Variants in LUZP2 observed in about 807,000 individuals in gnomAD.
The protein encoded by LUZP2 is leucine zipper protein 2.
In LUZP2, 52 loss-of-function variants were observed where a neutral mutation model predicts 51.6. The ratio of observed to expected loss-of-function variants is 1.01; its 90% CI spans 0.81 to 1.27. The LOEUF is 1.27. Among genes scored for constraint, LUZP2 ranks in the 50% most tolerant of loss-of-function variants. The pLI is 0.00. For missense variants in LUZP2, 436 were observed against 395.4 expected (o/e 1.10, Z -0.87); for synonymous variants, 154 against 137.3 (o/e 1.12, Z -0.85).
intron 2 of LUZP2, 53 bp from the exon 3 acceptor site, chr11:24,732,065 G>T: frequency 7.3e-7 from 1 of 1,367,450 alleles, no homozygotes; most frequent in Non-Finnish European, 1.0e-6. Context: ...AAGTTAAAGT[G>T]AGTCTCAATT....
chr11:24,770,045 C>T (rs113462666), intron 5 of LUZP2, among the ~76,000 whole-genome samples: 12,189 of 152,170 alleles, frequency 0.08, 1,061 homozygotes, highest in African/African-American at 0.22. Context: ...CTGCCCACCT[C>T]AGGCTCCCAA....
intron 1 of LUZP2, among the ~76,000 whole-genome samples, chr11:24,708,331 T>C (rs1857681734): frequency 1.3e-5 from 2 of 152,190 alleles, no homozygotes; most frequent in African/African-American, 4.8e-5. Flanking sequence ...TGGGCATCTC[T>C]TAGCCCAGTC....
intron 7 of LUZP2, among the ~76,000 whole-genome samples, chr11:24,929,509 C>G (rs1854381532): frequency 1.3e-5 from 2 of 151,950 alleles, no homozygotes; most frequent in Admixed American, 1.3e-4. Flanking sequence ...TATTTAATTT[C>G]CTTGCAATTG....
At chr11:24,989,101 T>TAA (rs67413838) in intron 9 of LUZP2, among the ~76,000 whole-genome samples, 1 of 143,744 alleles carries the variant, frequency 7.0e-6, no homozygotes, top group Non-Finnish European at 1.5e-5. Context: ...CCTGTGCAGT[T>TAA]AAAAAAAAAA....
intron 10 of LUZP2, among the ~76,000 whole-genome samples, chr11:25,066,507 A>G (rs1431762670): frequency 6.6e-6 from 1 of 152,012 alleles, no homozygotes; most frequent in Non-Finnish European, 1.5e-5. Flanking sequence ...ACCTGTGGCA[A>G]TGACATTCGC....
At chr11:24,936,966 A>G (rs371497688) in intron 7 of LUZP2, among the ~76,000 whole-genome samples, 14 of 152,136 alleles carry the variant, frequency 9.2e-5, no homozygotes, top group South Asian at 6.2e-4. Context: ...CCTATATGGT[A>G]TATATATTAT....
intron 7 of LUZP2, among the ~76,000 whole-genome samples, chr11:24,972,150 A>AAC (rs1554948102): frequency 6.8e-6 from 1 of 146,578 alleles, no homozygotes; most frequent in Non-Finnish European, 1.5e-5. Context: ...AAAAAAAAAA[A>AAC]AAAAAAAAAA....
intron 7 of LUZP2, among the ~76,000 whole-genome samples, chr11:24,933,614 C>G (rs955513755): frequency 6.6e-6 from 1 of 152,140 alleles, no homozygotes; most frequent in African/African-American, 2.4e-5. Context: ...GATATTAATT[C>G]TGCAGAATTT....
At chr11:24,811,346 C>A (rs368444926) in intron 5 of LUZP2, among the ~76,000 whole-genome samples, 1 of 152,032 alleles carries the variant, frequency 6.6e-6, no homozygotes, top group Non-Finnish European at 1.5e-5. Context: ...TACACTAATC[C>A]CCCCCTTAAT....
At chr11:24,896,475 C>G (rs1003374133) in intron 5 of LUZP2, among the ~76,000 whole-genome samples, 1 of 152,178 alleles carries the variant, frequency 6.6e-6, no homozygotes, top group Non-Finnish European at 1.5e-5. Context: ...CCAGCACCAC[C>G]GGCCCACCCA....
At chr11:24,506,300 T>C (rs967279731) in intron 1 of LUZP2, among the ~76,000 whole-genome samples, 3 of 152,118 alleles carry the variant, frequency 2.0e-5, no homozygotes, top group African/African-American at 7.2e-5. Context: ...CTTGCGGTCA[T>C]TTATTTCTGG....
chr11:24,862,537 A>G (rs181543796), intron 5 of LUZP2, among the ~76,000 whole-genome samples: 6 of 152,320 alleles, frequency 3.9e-5, no homozygotes, highest in Admixed American at 1.3e-4. Flanking sequence ...ACATAACAAT[A>G]CTAGCCTTAA....
At chr11:24,568,706 T>C (rs1314627039) in intron 1 of LUZP2, among the ~76,000 whole-genome samples, 5 of 152,026 alleles carry the variant, frequency 3.3e-5, no homozygotes. Context: ...TTCTAAGTTA[T>C]TATGCAAATG....
At chr11:24,632,135 C>A (rs988986550) in intron 1 of LUZP2, among the ~76,000 whole-genome samples, 2 of 151,898 alleles carry the variant, frequency 1.3e-5, no homozygotes, top group Non-Finnish European at 2.9e-5. Context: ...TTAATACTTA[C>A]CAACTCACTA....
chr11:24,650,417 C>T (rs934080946), intron 1 of LUZP2, among the ~76,000 whole-genome samples: 7 of 152,028 alleles, frequency 4.6e-5, no homozygotes, highest in African/African-American at 1.7e-4. Context: ...CACACACAGA[C>T]ACACACACAT....
At position 25,080,206 on chromosome 11, in the gene LUZP2, AT is replaced by A. The variant is rs1278630280; in HGVS notation, c.*1554del. 6.6e-6 allele frequency: 1 copy of A among 152,050 alleles called. No homozygotes were observed. Among genetic ancestry groups the A allele is most frequent in the African/African-American group, 2.4e-5 (1 of 41,394 alleles). 9.4% of individuals were successfully genotyped at this position (152,050 alleles called of 1,614,324 possible). On this transcript the variant is annotated 3_prime_UTR_variant, in exon 12 of 12. Coordinates refer to ENST00000336930, the MANE Select transcript of LUZP2 (RefSeq NM_001009909.4). Reference sequence around the variant, plus strand: ...CATGCTTTGAATTTTGAATTTTGTTATTTTTTGGAGGGCTAGTGATACATGG... The same window carrying A: ...CATGCTTTGAATTTTGAATTTTGTTATTTTTGGAGGGCTAGTGATACATGG...
At chr11:24,741,591 A>G (rs922162068) in intron 4 of LUZP2, among the ~76,000 whole-genome samples, 4 of 150,998 alleles carry the variant, frequency 2.6e-5, no homozygotes, top group African/African-American at 9.7e-5. Flanking sequence ...CAAGTCCCCA[A>G]AGTCCATTGT....
At chr11:24,789,132 G>A (rs866382487) in intron 5 of LUZP2, among the ~76,000 whole-genome samples, 2 of 152,266 alleles carry the variant, frequency 1.3e-5, no homozygotes, top group Middle Eastern at 3.4e-3. Context: ...ACTCTGCTGT[G>A]TGCCCAGGAA....
At chr11:24,827,712 G>T (rs528178954) in intron 5 of LUZP2, among the ~76,000 whole-genome samples, 1 of 152,144 alleles carries the variant, frequency 6.6e-6, no homozygotes, top group South Asian at 2.1e-4. Context: ...CTCTGTCTTC[G>T]AATCAGTAAT....
Sources: allele counts gnomAD v4.1 joint callset (sites outside exome capture counted in the v4.1 genomes callset), GRCh38; gene constraint gnomAD v4.1.1; transcripts MANE v1.5; gene names NCBI Gene and HGNC (gene_info 2026-07-23, HGNC 2026-07-21).